GABRR2: variants seen among roughly 807,000 people sequenced by gnomAD.
GABRR2 encodes gamma-aminobutyric acid type A receptor subunit rho2.
A neutral mutation model predicts 47.0 loss-of-function variants in GABRR2; 36 were observed. The observed-to-expected ratio is 0.77, with a 90% CI of 0.59 to 1.01. GABRR2 has a LOEUF of 1.01. GABRR2 is among the 50% of genes least tolerant of loss of function. The pLI, the probability that GABRR2 is intolerant of heterozygous loss-of-function variation, is 0.00. For missense variants in GABRR2, 587 were observed against 594.6 expected (o/e 0.99, Z 0.13); for synonymous variants, 204 against 227.5 (o/e 0.90, Z 0.93).
intron 3 of GABRR2, among the ~76,000 whole-genome samples, chr6:89,269,631 G>A (rs952532046): frequency 6.6e-6 from 1 of 152,188 alleles, no homozygotes; most frequent in African/African-American, 2.4e-5. Flanking sequence ...CCAGAAACCT[G>A]GATTGTCGAA....
chr6:89,283,636 G>A (rs1016601456), intron 2 of GABRR2, among the ~76,000 whole-genome samples: 1 of 152,104 alleles, frequency 6.6e-6, no homozygotes, highest in Non-Finnish European at 1.5e-5. Context: ...TATTTCATAT[G>A]CATAAAATAG....
intron 2 of GABRR2, among the ~76,000 whole-genome samples, chr6:89,290,981 T>A (rs1774430578): frequency 6.6e-6 from 1 of 152,198 alleles, no homozygotes; most frequent in South Asian, 2.1e-4. Flanking sequence ...ACCCTGCCCA[T>A]GCCTCCGTAA....
At chr6:89,285,166 A>G (rs1369107821) in intron 2 of GABRR2, among the ~76,000 whole-genome samples, 1 of 152,226 alleles carries the variant, frequency 6.6e-6, no homozygotes, top group East Asian at 1.9e-4. Flanking sequence ...GAAAACATCC[A>G]GTCCCCAGCA....
Position 89,315,117 on chromosome 6 carries a change from GA to G in GABRR2, c.48del (p.Leu17SerfsTer31). Reference protein sequence around the residue: ...RLILFLFCLMVLVESRKPKRK... With the variant: ...RLILFLFCLMXLVESRKPKRK... ...CTCTTGGGTTTTCTGCTCTCCACGA[GA>G]ACCATCAAGCAAAACAAGAACAAAA... On this transcript the variant is annotated frameshift_variant, in exon 1 of 9. Transcript: ENST00000402938. LOFTEE classifies it high-confidence loss of function. 2 of 1,613,824 alleles carry G rather than the reference GA, an allele frequency of 1.2e-6. No individual in the cohort carries two copies. The highest frequency in any genetic ancestry group is 1.7e-6 in the Non-Finnish European group (2 of 1,179,838).
At chr6:89,270,574 C>T (rs1316129560) in intron 3 of GABRR2, 1 of 152,236 alleles carries the variant, frequency 6.6e-6, no homozygotes. Flanking sequence ...CATACCTGCA[C>T]CTTTCACACC....
chr6:89,272,778 A>G (rs906722034), intron 2 of GABRR2, among the ~76,000 whole-genome samples: 2 of 152,168 alleles, frequency 1.3e-5, no homozygotes, highest in Admixed American at 1.3e-4. Context: ...GGTGAGTCTG[A>G]GTCCTGAGGA....
intron 1 of GABRR2, among the ~76,000 whole-genome samples, chr6:89,310,012 T>C (rs1340832814): frequency 6.6e-6 from 1 of 150,750 alleles, no homozygotes; most frequent in African/African-American, 2.4e-5. Flanking sequence ...AGAGATCTTC[T>C]TGCTGCAGCC....
intron 1 of GABRR2, 73 bp downstream of exon 1, chr6:89,314,980 G>A: frequency 1.5e-6 from 2 of 1,347,130 alleles, no homozygotes; most frequent in Non-Finnish European, 2.1e-6. Context: ...GCCCCCTGGG[G>A]AGCCATCCCA....
chr6:89,296,280 G>C lies in GABRR2; in HGVS notation c.220+3479C>G, dbSNP rs116416133. On this transcript the variant is annotated intron_variant, in intron 2 of 8. Coordinates refer to ENST00000402938, the MANE Select transcript of GABRR2 (RefSeq NM_002043.5). ...AAAGATCATTGACAGCACAAGCAGT[G>C]GGAATCCCCGTCCTGCGATCATCCC... Among the ~76,000 whole-genome samples the C allele has an allele frequency of 9.4e-3, 1,436 of 152,366 alleles. 20 individuals carry two copies. Among genetic ancestry groups the C allele is most frequent in the African/African-American group, 0.031 (1,279 of 41,586 alleles).
intron 2 of GABRR2, among the ~76,000 whole-genome samples, chr6:89,287,464 C>A (rs1774352328): frequency 6.6e-6 from 1 of 152,236 alleles, no homozygotes; most frequent in Non-Finnish European, 1.5e-5. Flanking sequence ...AAGGCACAGG[C>A]CCACTGGCTC....
At chr6:89,285,258 T>C (rs6454749) in intron 2 of GABRR2, among the ~76,000 whole-genome samples, 76,206 of 152,132 alleles carry the variant, frequency 0.5, 19,322 homozygotes, top group East Asian at 0.72. Context: ...CGCAAGGGAA[T>C]TGTTGTTACT....
intron 7 of GABRR2, among the ~76,000 whole-genome samples, chr6:89,265,192 C>T (rs140602539): frequency 1.3e-3 from 195 of 152,276 alleles, no homozygotes; most frequent in African/African-American, 3.9e-3. Context: ...CTCGAGGGAA[C>T]GTGGTCCTCC....
At chr6:89,263,597 A>G (rs1237815450) in intron 8 of GABRR2, among the ~76,000 whole-genome samples, 1 of 152,164 alleles carries the variant, frequency 6.6e-6, no homozygotes, top group Non-Finnish European at 1.5e-5. Flanking sequence ...ATCTCAGCTC[A>G]CTGTAACCTC....
Position 89,276,113 on chromosome 6 carries a change from A to G in GABRR2, c.221-4391T>C, listed in dbSNP as rs1774155096. Among the ~76,000 whole-genome samples, 2 of 147,776 alleles carry G rather than the reference A, an allele frequency of 1.4e-5. 1 individual carries two copies. Among genetic ancestry groups the G allele is most frequent in the South Asian group, 4.2e-4 (2 of 4,800 alleles). On this transcript the variant is annotated intron_variant, in intron 2 of 8. Transcript: ENST00000402938. ...TCATTATTTATATTATATACATTAT[A>G]AATCATTATTTATATTATATACATT...
At chr6:89,294,186 C>T (rs1774517844) in intron 2 of GABRR2, among the ~76,000 whole-genome samples, 1 of 152,184 alleles carries the variant, frequency 6.6e-6, no homozygotes, top group Non-Finnish European at 1.5e-5. Context: ...CACTCGTCGC[C>T]CAGGCTGGAG....
chr6:89,291,947 C>G (rs1221343586), intron 2 of GABRR2, among the ~76,000 whole-genome samples: 1 of 152,156 alleles, frequency 6.6e-6, no homozygotes, highest in Non-Finnish European at 1.5e-5. Context: ...GCCTTTTCTT[C>G]CCAGTGGCCC....
In GABRR2 at chr6:89,293,525, A is replaced by G. The variant is rs73503974; in HGVS notation, c.220+6234T>C. ...AAATCAGGGCTGGGCACAGTGGTTC[A>G]TGTTCATGCCTAGCACTTTGGGAGG... On this transcript the variant is annotated intron_variant, in intron 2 of 8. Transcript: ENST00000402938. 9.6e-4 allele frequency among the ~76,000 whole-genome samples: 146 copies of G among 152,314 alleles called. 1 individual carries two copies. Among genetic ancestry groups the G allele is most frequent in the African/African-American group, 3.3e-3 (138 of 41,586 alleles).
At chr6:89,313,054 C>T (rs531968189) in intron 1 of GABRR2, among the ~76,000 whole-genome samples, 1 of 152,240 alleles carries the variant, frequency 6.6e-6, no homozygotes, top group Non-Finnish European at 1.5e-5. Flanking sequence ...GTGCTGAACC[C>T]CAGTTCTTAC....
At chr6:89,300,507 A>AC (rs71024363) in intron 1 of GABRR2, among the ~76,000 whole-genome samples, 1 of 151,890 alleles carries the variant, frequency 6.6e-6, no homozygotes, top group Admixed American at 6.6e-5. Flanking sequence ...GCAAAAAAAA[A>AC]CAAAAAGAAA....
Sources: gnomAD v4.1 joint callset for allele counts (sites outside exome capture counted in the v4.1 genomes callset) on GRCh38, gnomAD v4.1.1 for gene constraint, MANE v1.5 for transcripts, NCBI Gene and HGNC (gene_info 2026-07-23, HGNC 2026-07-21) for gene names.